The following DST variants were observed in gnomAD, a reference collection of about 807,000 sequenced individuals.
DST encodes the protein bullous pemphigoid antigen.
DST carries 253 observed loss-of-function variants against 875.2 expected under a neutral mutation model. The ratio of observed to expected loss-of-function variants is 0.29; its 90% CI spans 0.26 to 0.32. DST has a LOEUF of 0.32. DST is among the 10% of genes least tolerant of loss of function. The probability of loss-of-function intolerance (pLI) is 1.00; values close to 1 mark genes in which losing one functional copy is unlikely to be tolerated. For synonymous variants in DST, 3,124 were observed against 3,197.1 expected (o/e 0.98, Z 0.77); for missense variants, 8,287 against 9,111.6 (o/e 0.91, Z 3.68).
intron 49 of DST, among the ~76,000 whole-genome samples, chr6:56,581,051 TAAAAAAAAA>T (rs771314105): frequency 2.2e-5 from 2 of 90,702 alleles, no homozygotes; most frequent in African/African-American, 9.8e-5. Flanking sequence ...TGGCATTTAT[TAAAAAAAAA>T]AAAAAAAAAA....
At chr6:56,534,130 A>T (rs1361056094) in intron 63 of DST, among the ~76,000 whole-genome samples, 1 of 152,200 alleles carries the variant, frequency 6.6e-6, no homozygotes, top group East Asian at 1.9e-4. Flanking sequence ...CATTATTAGC[A>T]GCCATGCTAA....
chr6:56,818,939 T>G (rs1285907827), intron 4 of DST, among the ~76,000 whole-genome samples: 1 of 152,178 alleles, frequency 6.6e-6, no homozygotes, highest in Non-Finnish European at 1.5e-5. Context: ...CACTTAGCAC[T>G]GGGTCTGACC....
At position 56,605,207 on chromosome 6, in the gene DST, A is replaced by G; in HGVS notation, c.9421T>C (p.Phe3141Leu). 6.2e-7 allele frequency: 1 copy of G among 1,611,858 alleles called. No individual in the cohort carries two copies. The change falls in exon 40 of 104, where the codon TTT becomes CTT. Residue 3141 changes from phenylalanine (F) to leucine (L), a missense_variant. Around this residue, in one of 10 missense-constraint regions of DST, gnomAD observed 3,138 missense variants for 3,116.6 expected, o/e 1.01. Transcript: ENST00000680361. ...PVQFENLEEI[F>L]DTSVSKEISD... ...ATCTCTTTGGAAACTGATGTGTCAAAAATTTCTTCAAGATTCTCAAACTGA... is the reference window on the plus strand; with the variant it reads ...ATCTCTTTGGAAACTGATGTGTCAAGAATTTCTTCAAGATTCTCAAACTGA...
At chr6:56,623,801 A>G (rs1444227287) in intron 36 of DST, among the ~76,000 whole-genome samples, 1 of 152,162 alleles carries the variant, frequency 6.6e-6, no homozygotes. Context: ...TAGATTACAT[A>G]CAAGAGCCTT....
chr6:56,735,756 T>A (rs1258104228), intron 4 of DST, among the ~76,000 whole-genome samples: 3 of 152,212 alleles, frequency 2.0e-5, no homozygotes, highest in Non-Finnish European at 4.4e-5. Context: ...TAGTTTAAAG[T>A]CTTGACAAAA....
chr6:56,880,837 C>CTTTTTTTTTTT (rs765843469), intron 3 of DST, among the ~76,000 whole-genome samples: 2 of 58,064 alleles, frequency 3.4e-5, no homozygotes, highest in Non-Finnish European at 5.7e-5. Flanking sequence ...TACTGTCTTT[C>CTTTTTTTTTTT]TTTTTTTTTT....
At chr6:56,498,474 C>T (rs1286938549) in intron 80 of DST, among the ~76,000 whole-genome samples, 1 of 152,096 alleles carries the variant, frequency 6.6e-6, no homozygotes, top group Admixed American at 6.6e-5. Context: ...ATCAATGTCC[C>T]CTGAAATGAC....
At chr6:56,633,072 A>G (rs766640145) in intron 27 of DST, 35 bp from the exon 28 acceptor site, 1 of 1,582,556 alleles carries the variant, frequency 6.3e-7, no homozygotes, top group South Asian at 1.1e-5. Flanking sequence ...AATTCATTCT[A>G]TTACTCATAG....
intron 2 of DST, among the ~76,000 whole-genome samples, chr6:56,933,049 A>T (rs920931646): frequency 5.9e-5 from 9 of 152,064 alleles, no homozygotes; most frequent in Non-Finnish European, 8.8e-5. Context: ...ACCCCCACCG[A>T]ACAGCATGTA....
chr6:56,586,193 G>C, intron 49 of DST, among the ~76,000 whole-genome samples: 1 of 151,378 alleles, frequency 6.6e-6, no homozygotes, highest in South Asian at 2.1e-4. Flanking sequence ...GTTGACAGTG[G>C]GGTGTTAAAG....
chr6:56,799,354 CTCTT>C (rs1351833356), intron 4 of DST, among the ~76,000 whole-genome samples: 1 of 148,342 alleles, frequency 6.7e-6, no homozygotes, highest in Non-Finnish European at 1.5e-5. Context: ...GAAACTATCT[CTCTT>C]TTTTTTTTTT....
At chr6:56,627,375 A>C in intron 33 of DST, 88 bp from the exon 34 acceptor site, 1 of 886,884 alleles carries the variant, frequency 1.1e-6, no homozygotes, top group Non-Finnish European at 1.9e-6. Flanking sequence ...ACATATCTAC[A>C]TCACTTCACA....
chr6:56,849,523 T>G (rs1249118721), intron 4 of DST, among the ~76,000 whole-genome samples: 1 of 152,138 alleles, frequency 6.6e-6, no homozygotes, highest in Non-Finnish European at 1.5e-5. Context: ...AGTGAACATT[T>G]TACAATTAAC....
chr6:56,723,639 G>T (rs1428323148), intron 5 of DST, among the ~76,000 whole-genome samples: 1 of 152,152 alleles, frequency 6.6e-6, no homozygotes, highest in Non-Finnish European at 1.5e-5. Flanking sequence ...GCCCCATCCA[G>T]ATCTGTAACT....
chr6:56,462,453 A>T (rs1319703645), intron 102 of DST, among the ~76,000 whole-genome samples: 4 of 152,184 alleles, frequency 2.6e-5, no homozygotes, highest in African/African-American at 9.6e-5. Context: ...TGAAAATGAC[A>T]AATAACTTTC....
intron 85 of DST, among the ~76,000 whole-genome samples, chr6:56,489,883 T>C (rs1237138892): frequency 6.6e-6 from 1 of 152,168 alleles, no homozygotes; most frequent in African/African-American, 2.4e-5. Flanking sequence ...GTTAGGAAGC[T>C]ACAGAAAGAA....
intron 4 of DST, chr6:56,843,028 C>T: frequency 7.0e-7 from 1 of 1,426,536 alleles, no homozygotes; most frequent in Non-Finnish European, 9.4e-7. Context: ...TGCCAAGCTC[C>T]GCAGCCCCAG....
intron 29 of DST, among the ~76,000 whole-genome samples, chr6:56,631,612 T>C (rs931495533): frequency 1.3e-5 from 2 of 152,188 alleles, no homozygotes; most frequent in Admixed American, 6.5e-5. Context: ...CTTAGTACTT[T>C]TGCACACAGC....
chr6:56,837,940 A>G (rs2099795660), intron 4 of DST, among the ~76,000 whole-genome samples: 1 of 127,202 alleles, frequency 7.9e-6, no homozygotes, highest in Non-Finnish European at 1.9e-5. Context: ...AAAATGAATA[A>G]GAAGGGGTCT....
Sources: gnomAD v4.1 joint callset for allele counts (sites outside exome capture counted in the v4.1 genomes callset) on GRCh38, gnomAD v4.1.1 for gene constraint, gnomAD v4.1.1 regional missense constraint, MANE v1.5 for transcripts, NCBI Gene and HGNC (gene_info 2026-07-23, HGNC 2026-07-21) for gene names.